PRADC1: variants seen among roughly 807,000 people sequenced by gnomAD.
The protein encoded by PRADC1 is protease-associated domain-containing protein 1.
PRADC1 carries 23 observed loss-of-function variants against 22.9 expected under a neutral mutation model. That is an observed-to-expected ratio of 1.00 (90% CI 0.72 to 1.42). The LOEUF (loss-of-function observed/expected upper bound fraction) is 1.42, where lower values mean the gene tolerates loss of function less well. Among genes scored for constraint, PRADC1 ranks in the 40% most tolerant of loss-of-function variants. PRADC1 has a pLI of 0.00. For missense variants in PRADC1, 207 were observed against 258.3 expected (o/e 0.80, Z 1.36); for synonymous variants, 71 against 100.3 (o/e 0.71, Z 1.75).
At chr2:73,230,412 T>G (rs1314255335) in intron 1 of PRADC1, among the ~76,000 whole-genome samples, 199 bp from the exon 2 acceptor site, 1 of 152,200 alleles carries the variant, frequency 6.6e-6, no homozygotes, top group Non-Finnish European at 1.5e-5. Flanking sequence ...GCAGAGTCAT[T>G]AACCCCAGAG....
Position 73,228,127 on chromosome 2 carries a change from G to T in PRADC1, c.*327C>A, listed in dbSNP as rs1188333635. On this transcript the variant is annotated 3_prime_UTR_variant, in exon 5 of 5. Coordinates refer to ENST00000258083, the MANE Select transcript of PRADC1 (RefSeq NM_032319.3). The surrounding 1 kb of genome is among the most constrained non-coding windows in gnomAD (Gnocchi z 4.0). ...GAAGGTCACTGTGCAGAGACCCTGGGTAGGGGAGGCTGGAGCCAGGTGAGT... is the reference window on the plus strand; with the variant it reads ...GAAGGTCACTGTGCAGAGACCCTGGTTAGGGGAGGCTGGAGCCAGGTGAGT... 3 of 360,132 alleles carry T rather than the reference G, an allele frequency of 8.3e-6. No individual in the cohort carries two copies. Among genetic ancestry groups the T allele is most frequent in the Admixed American group, 3.8e-5 (1 of 26,608 alleles). 22.3% of individuals were successfully genotyped at this position (360,132 alleles called of 1,614,324 possible).
chr2:73,230,008 T>A, intron 2 of PRADC1, 105 bp downstream of exon 2: 1 of 792,274 alleles, frequency 1.3e-6, no homozygotes, highest in Non-Finnish European at 2.2e-6. Context: ...CTGATTCTGC[T>A]CCCTTCCCTG....
intron 2 of PRADC1, 67 bp from the exon 3 acceptor site, chr2:73,229,637 G>A: frequency 8.2e-7 from 1 of 1,218,180 alleles, no homozygotes; most frequent in Non-Finnish European, 1.2e-6. Flanking sequence ...GGACTGGGCT[G>A]ACAATCCCAT....
chr2:73,229,982 C>G (rs1686604204), intron 2 of PRADC1, 131 bp downstream of exon 2: 2 of 676,438 alleles, frequency 3.0e-6, no homozygotes, highest in Non-Finnish European at 5.3e-6. Context: ...TGTGCTGCAG[C>G]TCATGGAAGG....
rs58650104 is a variant in PRADC1 at position 73,230,338 on chromosome 2, C to T, written c.68-125G>A. On this transcript the variant is annotated intron_variant, in intron 1 of 4. Coordinates refer to ENST00000258083, the MANE Select transcript of PRADC1 (RefSeq NM_032319.3). ...GGCTCAGGGTCCTGGCTTCAGCCAACGGGGTCCACTAGTGGCAGGGTTGGG... is the reference window on the plus strand; with the variant it reads ...GGCTCAGGGTCCTGGCTTCAGCCAATGGGGTCCACTAGTGGCAGGGTTGGG... 8.2e-4 allele frequency: 554 copies of T among 678,642 alleles called. 3 individuals are homozygous for T. In the African/African-American group the frequency reaches 9.0e-3, roughly 11 times the overall value. The allele number at this position is 678,642 out of a possible 1,614,324, so 42.0% of individuals were successfully genotyped here.
At chr2:73,230,434 C>G (rs1347011277) in intron 1 of PRADC1, among the ~76,000 whole-genome samples, 1 of 152,252 alleles carries the variant, frequency 6.6e-6, no homozygotes, top group Non-Finnish European at 1.5e-5. Flanking sequence ...CTTATATCAG[C>G]TGCTGCTGCT....
At chr2:73,229,616 C>T (rs1343344964) in intron 2 of PRADC1, 46 bp from the exon 3 acceptor site, 2 of 1,451,746 alleles carry the variant, frequency 1.4e-6, no homozygotes, top group Non-Finnish European at 1.9e-6. Context: ...TAATGAGACA[C>T]ACCTGCTTTA....
chr2:73,230,365 G>T (rs1686613767), intron 1 of PRADC1, 152 bp from the exon 2 acceptor site: 21 of 629,236 alleles, frequency 3.3e-5, no homozygotes, highest in Non-Finnish European at 6.0e-5. Context: ...AGGGTTGGGG[G>T]CTAGATGGCC....
Position 73,228,954 on chromosome 2 carries a change from G to T in PRADC1, c.287C>A (p.Ser96Tyr). Reference sequence around the variant, plus strand: ...GACCACCCGAGTCTTGGAGAGGAAGGAGCAGCCCCTGGAAGAGGTGGTGAT... The same window carrying T: ...GACCACCCGAGTCTTGGAGAGGAAGTAGCAGCCCCTGGAAGAGGTGGTGAT... ...QIALVERGGC[S>Y]FLSKTRVVQE... The change falls in exon 4 of 5, where the codon TCC (serine) becomes TAC (tyrosine). Residue 96 changes from serine to tyrosine, a missense_variant. Coordinates refer to ENST00000258083, the MANE Select transcript of PRADC1 (RefSeq NM_032319.3). The surrounding 1 kb of genome is among the most constrained non-coding windows in gnomAD (Gnocchi z 4.0). The T allele has an allele frequency of 6.2e-7, 1 of 1,613,838 alleles. No individual in the cohort carries two copies. Among genetic ancestry groups the T allele is most frequent in the South Asian group, 1.1e-5 (1 of 90,966 alleles).
chr2:73,230,154 T>C lies in PRADC1; in HGVS notation c.127A>G (p.Ile43Val). The C allele has an allele frequency of 6.2e-7, 1 of 1,614,080 alleles. No homozygotes were observed. The change falls in exon 2 of 5, where the codon ATC becomes GTC. Residue 43 changes from isoleucine (I) to valine (V), a missense_variant. Coordinates refer to ENST00000258083, the MANE Select transcript of PRADC1 (RefSeq NM_032319.3). ...TCCTTGGCAGGTGTGGCTGTGAAGA[T>C]GTATCGAATGTCCCCAGGACTCAGC... ...QVLSPGDIRYIFTATPAKDFG... is the reference protein window; with the variant it reads ...QVLSPGDIRYVFTATPAKDFG...
chr2:73,229,725 A>G (rs1686599773), intron 2 of PRADC1, 155 bp from the exon 3 acceptor site: 3 of 644,492 alleles, frequency 4.7e-6, no homozygotes, highest in Non-Finnish European at 8.2e-6. Context: ...TTTTTACTTA[A>G]TTCTCGCAAA....
rs1378836132 is a variant in PRADC1 at position 73,228,420 on chromosome 2, A to G, written c.*34T>C. 2 of 1,612,590 alleles carry G rather than the reference A, an allele frequency of 1.2e-6. No homozygotes were observed. Among genetic ancestry groups the G allele is most frequent in the Non-Finnish European group, 1.7e-6 (2 of 1,179,724 alleles). On this transcript the variant is annotated 3_prime_UTR_variant, in exon 5 of 5. Coordinates refer to ENST00000258083, the MANE Select transcript of PRADC1 (RefSeq NM_032319.3). This position sits in a 1 kb window ranked among gnomAD's most constrained non-coding sequence, Gnocchi z 4.0. ...CCTGGGTTTCCCCTTCCCAGCTCAG[A>G]GTCACTTATGGCTGGAATGTGGGAC...
At chr2:73,233,034 C>T (rs556809504) in intron 1 of PRADC1, 60 bp downstream of exon 1, 1 of 1,515,894 alleles carries the variant, frequency 6.6e-7, no homozygotes, top group Non-Finnish European at 8.8e-7. Context: ...CAACCCGAGA[C>T]GCGCGCAAGC....
rs1311410613 is a variant in PRADC1 at position 73,230,354 on chromosome 2, C to T, written c.68-141G>A. On this transcript the variant is annotated intron_variant, in intron 1 of 4. Transcript: ENST00000258083. Reference sequence around the variant, plus strand: ...TTCAGCCAACGGGGTCCACTAGTGGCAGGGTTGGGGGCTAGATGGCCTCTG... The same window carrying T: ...TTCAGCCAACGGGGTCCACTAGTGGTAGGGTTGGGGGCTAGATGGCCTCTG... 7 of 643,154 alleles carry T rather than the reference C, an allele frequency of 1.1e-5. No homozygotes were observed. In the African/African-American group the frequency reaches 1.3e-4, roughly 12 times the overall value. The allele number at this position is 643,154 out of a possible 1,614,324, so 39.8% of individuals were successfully genotyped here.
Position 73,228,656 on chromosome 2 carries a change from T to C in PRADC1, c.447-82A>G, listed in dbSNP as rs373551256. The stretch of plus-strand genomic sequence containing the variant: ...CCACTGTCCCCATCAATCTGGGAGT[T>C]CCAAAGCCCGAGATCTTTTTTTGCC... On this transcript the variant is annotated intron_variant, in intron 4 of 4. Coordinates refer to ENST00000258083, the MANE Select transcript of PRADC1 (RefSeq NM_032319.3). This position sits in a 1 kb window ranked among gnomAD's most constrained non-coding sequence, Gnocchi z 4.0. 7.5e-6 allele frequency: 12 copies of C among 1,603,162 alleles called. No individual in the cohort carries two copies. Among genetic ancestry groups the C allele is most frequent in the East Asian group, 6.7e-5 (3 of 44,654 alleles).
chr2:73,229,043 A>C (rs968909332), intron 3 of PRADC1, 81 bp from the exon 4 acceptor site: 40 of 1,267,404 alleles, frequency 3.2e-5, no homozygotes, highest in Non-Finnish European at 4.2e-5. Flanking sequence ...GGAGTATAGA[A>C]GGCAGACTAT....
At chr2:73,230,542 C>G (rs773462748) in intron 1 of PRADC1, among the ~76,000 whole-genome samples, 1 of 152,234 alleles carries the variant, frequency 6.6e-6, no homozygotes, top group Non-Finnish European at 1.5e-5. Context: ...GGCCTGCGTA[C>G]AAAGCAATTC....
intron 2 of PRADC1, 81 bp from the exon 3 acceptor site, chr2:73,229,651 A>AT: frequency 1.2e-5 from 12 of 1,018,450 alleles, no homozygotes; most frequent in Non-Finnish European, 1.9e-5. Flanking sequence ...ATCCCATCTT[A>AT]TTGGCACCTT....
rs916357881 is a variant in PRADC1 at position 73,229,561 on chromosome 2, A to G, written c.178T>C (p.Tyr60His). 6.2e-7 allele frequency: 1 copy of G among 1,613,488 alleles called. No individual in the cohort carries two copies. The highest frequency in any genetic ancestry group is 8.5e-7 in the Non-Finnish European group (1 of 1,179,688). ...KDFGGIFHTR[Y>H]EQIHLVPAEP... ...GCGGGGACAAGGTGAATCTGCTCAT[A>G]CCTTGTGTGCTGAAAAACATTTAAC... Residue 60 changes from tyrosine (Y) to histidine (H), a missense_variant, in exon 3 of 5, where the codon TAT becomes CAT. Tyr to His is a moderately conservative substitution (Grantham distance 83). Transcript: ENST00000258083.
Sources: gnomAD v4.1 joint callset for allele counts (sites outside exome capture counted in the v4.1 genomes callset) on GRCh38, gnomAD v4.1.1 for gene constraint, Gnocchi (gnomAD v3.1) non-coding constraint, MANE v1.5 for transcripts, NCBI Gene and HGNC (gene_info 2026-07-23, HGNC 2026-07-21) for gene names.